TUBB6: variants seen among roughly 807,000 people sequenced by gnomAD.
TUBB6 encodes tubulin beta-6 chain.
A neutral mutation model predicts 32.3 loss-of-function variants in TUBB6; 18 were observed. The ratio of observed to expected loss-of-function variants is 0.56; its 90% CI spans 0.39 to 0.83. TUBB6 has a LOEUF of 0.83. Among genes scored for constraint, TUBB6 ranks in the 40% least tolerant of loss-of-function variants. The pLI is 0.00. For synonymous variants in TUBB6, 280 were observed against 265.8 expected, an observed-to-expected ratio of 1.05 and a Z score of -0.52; for missense variants, 480 against 632.0, an observed-to-expected ratio of 0.76 and a Z score of 2.58.
intron 3 of TUBB6, among the ~76,000 whole-genome samples, chr18:12,319,925 T>A (rs1204707762): frequency 2.6e-5 from 4 of 151,990 alleles, no homozygotes; most frequent in Admixed American, 1.3e-4. Context: ...TAGCTGGGAC[T>A]ACAGGCGCCC....
chr18:12,329,077 T>C, downstream of TUBB6: 1 of 699,284 alleles, frequency 1.4e-6, no homozygotes, highest in East Asian at 2.7e-5. Context: ...ACAAGTGATC[T>C]GGATTCAATC....
chr18:12,308,422 C>A, intron 1 of TUBB6, 73 bp downstream of exon 1: 1 of 1,177,070 alleles, frequency 8.5e-7, no homozygotes, highest in South Asian at 3.1e-5. Flanking sequence ...GGCGCGACCC[C>A]CGCCGGGGCG....
At chr18:12,320,986 T>A (rs1258672811) in intron 3 of TUBB6, among the ~76,000 whole-genome samples, 1 of 152,208 alleles carries the variant, frequency 6.6e-6, no homozygotes, top group Admixed American at 6.5e-5. Context: ...ACTCAGGTGT[T>A]TGGATCTCTG....
intron 2 of TUBB6, 110 bp downstream of exon 2, chr18:12,308,905 C>T (rs1284506080): frequency 2.8e-6 from 2 of 724,724 alleles, no homozygotes; most frequent in African/African-American, 3.5e-5. Context: ...CGGGGTGTAG[C>T]AGGATGCCCG....
intron 2 of TUBB6, 49 bp downstream of exon 2, chr18:12,308,844 G>T: frequency 7.8e-7 from 1 of 1,275,866 alleles, no homozygotes; most frequent in South Asian, 1.2e-5. Flanking sequence ...CCGCGTGGAC[G>T]CTCCGGCGCC....
chr18:12,313,475 A>T (rs1055974792), intron 3 of TUBB6, among the ~76,000 whole-genome samples: 1 of 152,202 alleles, frequency 6.6e-6, no homozygotes, highest in Non-Finnish European at 1.5e-5. Context: ...GTTCCCCAGG[A>T]CACTAGACTT....
intron 2 of TUBB6, among the ~76,000 whole-genome samples, chr18:12,309,771 CGT>C (rs1444746474): frequency 6.6e-6 from 1 of 152,118 alleles, no homozygotes; most frequent in Non-Finnish European, 1.5e-5. Flanking sequence ...TCATATTAAC[CGT>C]GTCCTCACCG....
intron 1 of TUBB6, 103 bp downstream of exon 1, chr18:12,308,452 T>C: frequency 9.8e-6 from 10 of 1,017,464 alleles, no homozygotes; most frequent in Non-Finnish European, 1.3e-5. Flanking sequence ...TGTGCGCCCC[T>C]GGGTCCTCGG....
downstream of TUBB6, among the ~76,000 whole-genome samples, chr18:12,326,892 C>T (rs897883325): frequency 1.3e-5 from 2 of 152,144 alleles, no homozygotes; most frequent in South Asian, 2.1e-4. Flanking sequence ...AAAAGGCCTC[C>T]GGACAAAGCC....
intron 3 of TUBB6, 50 bp from the exon 4 acceptor site, chr18:12,325,013 GGTGA>G: frequency 2.6e-6 from 4 of 1,525,034 alleles, no homozygotes; most frequent in Non-Finnish European, 3.5e-6. Flanking sequence ...GACCAAGCAT[GGTGA>G]TGGCGCAGCC....
intron 3 of TUBB6, among the ~76,000 whole-genome samples, chr18:12,320,274 TTATCATAAAATAAA>T (rs1906919183): frequency 1.1e-4 from 1 of 9,070 alleles, no homozygotes; most frequent in Non-Finnish European, 1.1e-3. Flanking sequence ...TAATATTCAC[TTATCATAAAATAAA>T]TGTTTTAGTT....
intron 3 of TUBB6, among the ~76,000 whole-genome samples, chr18:12,315,722 T>C (rs6505750): frequency 0.94 from 143,010 of 152,262 alleles, 67,834 homozygotes; most frequent in East Asian, 1. Context: ...CTGCACTGTT[T>C]CCCAGGGGAA....
downstream of TUBB6, among the ~76,000 whole-genome samples, chr18:12,328,662 GTGGCCAACATC>G (rs1350065530): frequency 6.6e-6 from 1 of 152,256 alleles, no homozygotes; most frequent in Non-Finnish European, 1.5e-5. Flanking sequence ...CCCAGAAGGT[GTGGCCAACATC>G]TGGCCATGAC....
At chr18:12,309,763 A>G (rs944629871) in intron 2 of TUBB6, among the ~76,000 whole-genome samples, 2 of 152,178 alleles carry the variant, frequency 1.3e-5, no homozygotes, top group African/African-American at 4.8e-5. Flanking sequence ...ATCTGGAATC[A>G]TATTAACCGT....
At chr18:12,310,390 C>T (rs1906303824) in intron 2 of TUBB6, among the ~76,000 whole-genome samples, 1 of 150,808 alleles carries the variant, frequency 6.6e-6, no homozygotes, top group Non-Finnish European at 1.5e-5. Flanking sequence ...ACTTGGGAGG[C>T]TGAGGCAGGA....
chr18:12,308,664 C>T, intron 1 of TUBB6, 23 bp from the exon 2 acceptor site: 1 of 1,517,714 alleles, frequency 6.6e-7, no homozygotes, highest in South Asian at 1.1e-5. Context: ...GAGCGTCTGT[C>T]CCCCCGCCTT....
At chr18:12,311,138 G>A in intron 3 of TUBB6, 85 bp downstream of exon 3, 1 of 1,196,062 alleles carries the variant, frequency 8.4e-7, no homozygotes, top group Non-Finnish European at 1.2e-6. Flanking sequence ...AGCATCATGT[G>A]TCATAGAAAA....
At chr18:12,307,874 C>G (rs923486137), upstream of TUBB6, 4 of 152,336 alleles carry the variant, frequency 2.6e-5, no homozygotes, top group Non-Finnish European at 5.9e-5. Flanking sequence ...GGACTGGGCG[C>G]GGGCGGCTGC....
chr18:12,314,429 C>T (rs1404487059), intron 3 of TUBB6, among the ~76,000 whole-genome samples: 1 of 152,072 alleles, frequency 6.6e-6, no homozygotes, highest in African/African-American at 2.4e-5. Context: ...CTACCGTAGT[C>T]TCAGTAAGCT....
Sources: allele counts gnomAD v4.1 joint callset (sites outside exome capture counted in the v4.1 genomes callset), GRCh38; gene constraint gnomAD v4.1.1; transcripts MANE v1.5; gene names NCBI Gene and HGNC (gene_info 2026-07-23, HGNC 2026-07-21).